The following ZFP1 variants were observed in gnomAD, a reference collection of about 807,000 sequenced individuals.
ZFP1 encodes the protein ZFP1 zinc finger protein, also known as zinc finger protein 1 homolog.
Under a neutral mutation model 38.5 loss-of-function variants are expected in ZFP1, and 32 were observed. That is an observed-to-expected ratio of 0.83 (90% CI 0.63 to 1.12). The LOEUF is 1.12. ZFP1 is among the 50% of genes most tolerant of loss of function. The pLI is 0.00. For synonymous variants in ZFP1, 245 were observed against 168.8 expected (o/e 1.45, Z -3.50); for missense variants, 616 against 480.8 (o/e 1.28, Z -2.63).
chr16:75,167,861 C>G (rs1292089733), intron 3 of ZFP1, among the ~76,000 whole-genome samples: 1 of 152,148 alleles, frequency 6.6e-6, no homozygotes, highest in African/African-American at 2.4e-5. Context: ...TTTTGGGAGG[C>G]TGAGGCGGGC....
chr16:75,147,608 G>C (rs528238466), upstream of ZFP1, among the ~76,000 whole-genome samples: 1 of 152,190 alleles, frequency 6.6e-6, no homozygotes, highest in South Asian at 2.1e-4. Context: ...TTTAACTGTA[G>C]GTTCACCAAT....
the ZFP1 span, among the ~76,000 whole-genome samples, chr16:75,138,693 C>T: frequency 6.6e-6 from 1 of 152,168 alleles, no homozygotes. Context: ...GAGGGGAGAA[C>T]GCTACATGAG....
chr16:75,158,330 G>A (rs1215658646), intron 2 of ZFP1, among the ~76,000 whole-genome samples: 1 of 150,430 alleles, frequency 6.6e-6, no homozygotes, highest in Non-Finnish European at 1.5e-5. Flanking sequence ...GCCTATTTCT[G>A]TCTATTTTTT....
At chr16:75,167,460 CTAACA>C (rs796834057) in intron 3 of ZFP1, among the ~76,000 whole-genome samples, 24 of 151,984 alleles carry the variant, frequency 1.6e-4, no homozygotes, top group African/African-American at 5.8e-4. Flanking sequence ...TGAAACTTTC[CTAACA>C]TATCTTAAAC....
chr16:75,151,655 A>G (rs2037208390), intron 1 of ZFP1, among the ~76,000 whole-genome samples: 1 of 152,230 alleles, frequency 6.6e-6, no homozygotes, highest in African/African-American at 2.4e-5. Flanking sequence ...ATGTTGCAGA[A>G]TATTGACATA....
Position 75,169,326 on chromosome 16 carries a change from T to A in ZFP1, c.216T>A (p.Ile72=), listed in dbSNP as rs1019667266. 1 of 1,614,104 alleles carries A rather than the reference T, an allele frequency of 6.2e-7. No individual in the cohort carries two copies. Among genetic ancestry groups the A allele is most frequent in the South Asian group, 1.1e-5 (1 of 91,072 alleles). Residue 72 remains isoleucine (I), a synonymous_variant, in exon 4 of 4, where the codon ATT becomes ATA. Coordinates refer to ENST00000570010, the MANE Select transcript of ZFP1 (RefSeq NM_153688.4). ...ACGAGCAGGCGAGGCAATTTTTAAT[T>A]CTTAAGAACCAAACCCCAATTGAGG... is the stretch of plus-strand genomic sequence containing the variant. The part of the protein sequence containing the change: ...NPDEQARQFL[I]LKNQTPIEER...
At chr16:75,153,099 C>G in intron 2 of ZFP1, 133 bp downstream of exon 2, 2 of 1,230,374 alleles carry the variant, frequency 1.6e-6, no homozygotes, top group East Asian at 2.6e-5. Flanking sequence ...TCAATACCAG[C>G]AGCCAAAAAG....
intron 1 of ZFP1, chr16:75,149,328 G>A (rs919297293): frequency 6.6e-6 from 1 of 152,274 alleles, no homozygotes; most frequent in East Asian, 1.9e-4. Context: ...ATTTTGCCAT[G>A]TATACGTTTT....
chr16:75,136,052 G>C, the ZFP1 span, among the ~76,000 whole-genome samples: 1 of 152,172 alleles, frequency 6.6e-6, no homozygotes, highest in Admixed American at 6.5e-5. Flanking sequence ...CTGACCTCAA[G>C]TTATCCACCC....
At chr16:75,149,513 G>T (rs2037070232) in intron 1 of ZFP1, among the ~76,000 whole-genome samples, 2 of 144,558 alleles carry the variant, frequency 1.4e-5, no homozygotes, top group South Asian at 4.5e-4. Context: ...CTATGTGATT[G>T]TAATACTATA....
At chr16:75,135,727 C>T in the ZFP1 span, among the ~76,000 whole-genome samples, 1 of 149,852 alleles carries the variant, frequency 6.7e-6, no homozygotes, top group Non-Finnish European at 1.5e-5. Context: ...ACATACATGA[C>T]ATTGTGCATT....
chr16:75,163,686 A>C (rs2037910046), intron 2 of ZFP1, among the ~76,000 whole-genome samples: 1 of 149,954 alleles, frequency 6.7e-6, no homozygotes, highest in Admixed American at 6.7e-5. Context: ...ATCACGGTTC[A>C]CTGTAGCCTT....
chr16:75,146,556 C>A (rs1029806706), upstream of ZFP1, among the ~76,000 whole-genome samples: 2 of 152,098 alleles, frequency 1.3e-5, no homozygotes, highest in South Asian at 2.1e-4. Flanking sequence ...TTCATAGTTG[C>A]CAAAACTTAG....
At chr16:75,168,881 C>T (rs146805389) in intron 3 of ZFP1, among the ~76,000 whole-genome samples, 5 of 152,284 alleles carry the variant, frequency 3.3e-5, no homozygotes, top group Non-Finnish European at 4.4e-5. Context: ...CTTACTTTCT[C>T]GGTCTCTGTG....
chr16:75,127,813 C>T, the ZFP1 span: 1 of 152,152 alleles, frequency 6.6e-6, no homozygotes. Flanking sequence ...CATTGCTGAT[C>T]TTTGTTTTGC....
chr16:75,172,193 G>T lies in ZFP1; in HGVS notation c.*1859G>T, dbSNP rs141873836. 2 of 152,314 alleles carry T rather than the reference G, an allele frequency of 1.3e-5. No individual in the cohort carries two copies. The highest frequency in any genetic ancestry group is 4.8e-5 in the African/African-American group (2 of 41,558). The allele number at this position is 152,314 out of a possible 1,614,324, so 9.4% of individuals were successfully genotyped here. A position where few individuals can be genotyped will look rare whatever the true frequency, so the allele number is the denominator to read the frequency against. On this transcript the variant is annotated 3_prime_UTR_variant, in exon 4 of 4. Coordinates refer to ENST00000570010, the MANE Select transcript of ZFP1 (RefSeq NM_153688.4). ...AAGAGGGGAGAGAGAGAGTGTATGT[G>T]TGTGTGTAGCAGTTTTTATAAAATA...
At chr16:75,146,090 C>A (rs559776731), upstream of ZFP1, among the ~76,000 whole-genome samples, 2 of 152,278 alleles carry the variant, frequency 1.3e-5, no homozygotes, top group South Asian at 4.1e-4. Flanking sequence ...CACGACAAGT[C>A]CCGCGAAGGG....
chr16:75,151,596 T>G (rs1335822469), intron 1 of ZFP1, among the ~76,000 whole-genome samples: 1 of 152,230 alleles, frequency 6.6e-6, no homozygotes, highest in Non-Finnish European at 1.5e-5. Flanking sequence ...ACTTGGAACA[T>G]TATACTCCCA....
the ZFP1 span, among the ~76,000 whole-genome samples, chr16:75,138,610 C>T: frequency 6.6e-6 from 1 of 152,206 alleles, no homozygotes; most frequent in East Asian, 1.9e-4. Context: ...TGAGGTCACA[C>T]TGGAGTAGAG....
Sources: gnomAD v4.1 joint callset for allele counts (sites outside exome capture counted in the v4.1 genomes callset) on GRCh38, gnomAD v4.1.1 for gene constraint, MANE v1.5 for transcripts, NCBI Gene and HGNC (gene_info 2026-07-23, HGNC 2026-07-21) for gene names.